Variants in GJA5 observed in about 807,000 individuals in gnomAD.
GJA5 encodes the protein gap junction alpha-5 protein.
GJA5 carries 3 observed loss-of-function variants against 7.9 expected under a neutral mutation model. The ratio of observed to expected loss-of-function variants is 0.38; its 90% CI spans 0.17 to 0.99. The LOEUF (loss-of-function observed/expected upper bound fraction) is 0.99. GJA5 is among the 50% of genes least tolerant of loss of function. The pLI is 0.38. For synonymous variants in GJA5, 193 were observed against 181.0 expected (o/e 1.07, Z -0.53); for missense variants, 390 against 457.9 (o/e 0.85, Z 1.35).
chr1:147,772,608 T>A (rs1321970986), intron 1 of GJA5, among the ~76,000 whole-genome samples: 1 of 152,130 alleles, frequency 6.6e-6, no homozygotes, highest in Non-Finnish European at 1.5e-5. Context: ...ACACCACAAG[T>A]GGAAAGGAGA....
At chr1:147,770,292 A>G (rs1286761287) in intron 1 of GJA5, among the ~76,000 whole-genome samples, 3 of 152,220 alleles carry the variant, frequency 2.0e-5, no homozygotes, top group African/African-American at 7.2e-5. Flanking sequence ...ACAAAAGTGT[A>G]GAGGCTCTTC....
chr1:147,759,028 G>C lies in GJA5; in HGVS notation c.211C>G (p.Pro71Ala). 1 of 1,614,182 alleles carries C rather than the reference G, an allele frequency of 6.2e-7. No homozygotes were observed. The highest frequency in any genetic ancestry group is 8.5e-7 in the Non-Finnish European group (1 of 1,180,010). Reference sequence around the variant, plus strand: ...ACCCAGTAGCGAATGTGGGAGATGGGGAAAGCCTGGTCGTAGCAGACATTC... The same window carrying C: ...ACCCAGTAGCGAATGTGGGAGATGGCGAAAGCCTGGTCGTAGCAGACATTC... ...CQNVCYDQAF[P>A]ISHIRYWVLQ... Residue 71 changes from proline to alanine, a missense_variant, in exon 2 of 2, where the codon CCC becomes GCC. Pro to Ala is a conservative substitution (Grantham distance 27). Around this residue, in one of 2 missense-constraint regions of GJA5, gnomAD observed 354 missense variants for 370.9 expected, o/e 0.95. Transcript: ENST00000579774.
chr1:147,771,164 A>T (rs1436357502), intron 1 of GJA5, among the ~76,000 whole-genome samples: 3 of 152,168 alleles, frequency 2.0e-5, no homozygotes, highest in Admixed American at 2.0e-4. Context: ...AGTACCTGAG[A>T]GACCAGGCGG....
chr1:147,766,503 C>T (rs782015193), intron 1 of GJA5, among the ~76,000 whole-genome samples: 10 of 152,084 alleles, frequency 6.6e-5, no homozygotes, highest in Admixed American at 2.6e-4. Context: ...TGCCCAATGA[C>T]GATGGTGACC....
intron 1 of GJA5, among the ~76,000 whole-genome samples, chr1:147,768,705 T>G (rs1178402722): frequency 1.3e-5 from 2 of 152,180 alleles, no homozygotes; most frequent in East Asian, 3.8e-4. Context: ...GTATTTCCCA[T>G]GTGTGAAGCC....
chr1:147,772,314 C>G (rs782428275), intron 1 of GJA5, among the ~76,000 whole-genome samples: 11 of 152,174 alleles, frequency 7.2e-5, no homozygotes, highest in Non-Finnish European at 1.3e-4. Flanking sequence ...AGCAACAGAG[C>G]AGGATGAGAA....
upstream of GJA5, among the ~76,000 whole-genome samples, chr1:147,764,398 A>C (rs782260005): frequency 6.6e-6 from 1 of 152,160 alleles, no homozygotes; most frequent in African/African-American, 2.4e-5. Context: ...TTTTCCAAAC[A>C]TTTGTCTATC....
upstream of GJA5, among the ~76,000 whole-genome samples, chr1:147,761,921 A>G (rs1392739142): frequency 6.6e-6 from 1 of 152,196 alleles, no homozygotes; most frequent in African/African-American, 2.4e-5. Context: ...GAAAAGACAG[A>G]TGCAGGAGTT....
chr1:147,759,360 T>C (rs1663898053), intron 1 of GJA5, 89 bp from the exon 2 acceptor site: 7 of 767,696 alleles, frequency 9.1e-6, no homozygotes, highest in Non-Finnish European at 1.4e-5. Flanking sequence ...ATTCCACTGA[T>C]CCATCCATCC....
At chr1:147,770,683 C>T (rs1346900629) in intron 1 of GJA5, among the ~76,000 whole-genome samples, 1 of 152,108 alleles carries the variant, frequency 6.6e-6, no homozygotes, top group Non-Finnish European at 1.5e-5. Flanking sequence ...TCCTTCGGCC[C>T]TACCCCTCAA....
chr1:147,769,884 C>T (rs1447217494), intron 1 of GJA5, among the ~76,000 whole-genome samples: 1 of 151,916 alleles, frequency 6.6e-6, no homozygotes, highest in Non-Finnish European at 1.5e-5. Context: ...GATTTTGGGC[C>T]TGGAGTTGGA....
At chr1:147,761,308 C>T (rs1406662077), upstream of GJA5, among the ~76,000 whole-genome samples, 2 of 152,148 alleles carry the variant, frequency 1.3e-5, no homozygotes, top group Non-Finnish European at 2.9e-5. Flanking sequence ...CATATCTTTG[C>T]TGCCAACGTG....
upstream of GJA5, among the ~76,000 whole-genome samples, chr1:147,765,591 T>A (rs1204570125): frequency 1.3e-5 from 2 of 152,156 alleles, no homozygotes; most frequent in Non-Finnish European, 2.9e-5. Flanking sequence ...ATGAACAAAT[T>A]CATTGAAATG....
chr1:147,765,240 T>G (rs1664157748), upstream of GJA5, among the ~76,000 whole-genome samples: 1 of 152,228 alleles, frequency 6.6e-6, no homozygotes, highest in Non-Finnish European at 1.5e-5. Flanking sequence ...ATTTTTATTG[T>G]TGAATGAATG....
intron 1 of GJA5, among the ~76,000 whole-genome samples, chr1:147,766,504 G>A (rs1480106989): frequency 6.6e-6 from 1 of 152,092 alleles, no homozygotes; most frequent in African/African-American, 2.4e-5. Flanking sequence ...GCCCAATGAC[G>A]ATGGTGACCA....
rs782027043 is a variant in GJA5, at chr1:147,759,065, C to T, written c.174G>A (p.Gln58=). The part of the protein sequence containing the change: ...EQADFRCDTI[Q]PGCQNVCYDQ... ...CGTAGCAGACATTCTGGCAGCCAGG[C>T]TGAATCGTATCACACCGGAAATCAG... Residue 58 remains glutamine (Q), a synonymous_variant, in exon 2 of 2, where the codon CAG becomes CAA. Coordinates refer to ENST00000579774, the MANE Select transcript of GJA5 (RefSeq NM_181703.4). The T allele has an allele frequency of 9.3e-6, 15 of 1,613,272 alleles. No homozygotes were observed. Among genetic ancestry groups the T allele is most frequent in the Non-Finnish European group, 1.2e-5 (14 of 1,179,554 alleles).
chr1:147,761,927 G>T (rs1664033687), upstream of GJA5, among the ~76,000 whole-genome samples: 1 of 152,182 alleles, frequency 6.6e-6, no homozygotes. Context: ...ACAGATGCAG[G>T]AGTTAGCTTA....
chr1:147,767,913 A>T (rs1553228458), intron 1 of GJA5, among the ~76,000 whole-genome samples: 1 of 152,210 alleles, frequency 6.6e-6, no homozygotes, highest in East Asian at 1.9e-4. Flanking sequence ...CATTGAGATC[A>T]TTGTTCGGAT....
chr1:147,767,563 A>G (rs58392033), intron 1 of GJA5, among the ~76,000 whole-genome samples: 2 of 144,756 alleles, frequency 1.4e-5, no homozygotes, highest in African/African-American at 2.6e-5. Context: ...AATTTTTGTT[A>G]TTTTTTTTTT....
Sources: allele counts gnomAD v4.1 joint callset (sites outside exome capture counted in the v4.1 genomes callset), GRCh38; gene constraint gnomAD v4.1.1; regional missense constraint gnomAD v4.1.1; transcripts MANE v1.5; gene names NCBI Gene and HGNC (gene_info 2026-07-23, HGNC 2026-07-21).